The following PLXDC2 variants were observed in gnomAD, a reference collection of about 807,000 sequenced individuals.
PLXDC2 encodes plexin domain-containing protein 2.
A neutral mutation model predicts 68.9 loss-of-function variants in PLXDC2; 40 were observed. The ratio of observed to expected loss-of-function variants is 0.58; its 90% CI spans 0.45 to 0.76. The LOEUF (loss-of-function observed/expected upper bound fraction) is 0.76. Among genes scored for constraint, PLXDC2 ranks in the 30% least tolerant of loss-of-function variants. PLXDC2 has a pLI of 0.00. For missense variants in PLXDC2, 644 were observed against 661.9 expected (o/e 0.97, Z 0.30); for synonymous variants, 243 against 234.2 (o/e 1.04, Z -0.34).
intron 9 of PLXDC2, among the ~76,000 whole-genome samples, chr10:20,187,352 TTTAA>T (rs771723871): frequency 2.0e-5 from 3 of 151,798 alleles, no homozygotes; most frequent in Non-Finnish European, 4.4e-5. Context: ...TTTTATTATC[TTTAA>T]TTGACATAAC....
chr10:20,221,044 T>C (rs1835204805), intron 12 of PLXDC2, among the ~76,000 whole-genome samples: 1 of 152,080 alleles, frequency 6.6e-6, no homozygotes, highest in Non-Finnish European at 1.5e-5. Context: ...GGTTTCATCA[T>C]GTTGGCCAGG....
intron 13 of PLXDC2, among the ~76,000 whole-genome samples, chr10:20,245,846 C>A (rs1835587320): frequency 6.6e-6 from 1 of 152,140 alleles, no homozygotes. Flanking sequence ...TACTACGTAT[C>A]TGGGGGGCTG....
rs369629441 is a variant in PLXDC2, at chr10:20,235,180, G to A, written c.1313-10165G>A. Among the ~76,000 whole-genome samples, 34 of 152,214 alleles carry A rather than the reference G, an allele frequency of 2.2e-4. 1 individual carries two copies. Among genetic ancestry groups the A allele is most frequent in the East Asian group, 1.5e-3 (8 of 5,176 alleles). ...GTGAGAGGCTGATCTTGGCGTTTCC[G>A]CTTGAAAAACTATTCACTGAAATGT... On this transcript the variant is annotated intron_variant, in intron 12 of 13. Transcript: ENST00000377252.
At chr10:20,232,719 G>T (rs1448676079) in intron 12 of PLXDC2, among the ~76,000 whole-genome samples, 1 of 152,198 alleles carries the variant, frequency 6.6e-6, no homozygotes, top group Non-Finnish European at 1.5e-5. Context: ...TGCCTATGCG[G>T]TGTTGGTCGG....
intron 6 of PLXDC2, among the ~76,000 whole-genome samples, chr10:20,159,390 T>C (rs1834261153): frequency 6.6e-6 from 1 of 152,128 alleles, no homozygotes; most frequent in Non-Finnish European, 1.5e-5. Context: ...GGAGTCTCAA[T>C]AGCAGTGCAT....
intron 2 of PLXDC2, among the ~76,000 whole-genome samples, chr10:20,022,443 C>T (rs938839792): frequency 2.0e-5 from 3 of 152,100 alleles, no homozygotes; most frequent in Non-Finnish European, 4.4e-5. Context: ...ATTGGGAAGA[C>T]TTGTTAGAAA....
chr10:20,089,320 G>A (rs1269962542), intron 4 of PLXDC2, among the ~76,000 whole-genome samples: 1 of 152,006 alleles, frequency 6.6e-6, no homozygotes, highest in Non-Finnish European at 1.5e-5. Flanking sequence ...GTAACATTTG[G>A]CTTGAATCTT....
intron 4 of PLXDC2, among the ~76,000 whole-genome samples, chr10:20,119,359 A>G (rs975667358): frequency 7.2e-5 from 11 of 151,846 alleles, no homozygotes; most frequent in Non-Finnish European, 1.2e-4. Context: ...AGGTAAAGGA[A>G]AAAGGGGGTT....
intron 9 of PLXDC2, among the ~76,000 whole-genome samples, chr10:20,180,971 T>C (rs191053153): frequency 2.6e-5 from 4 of 152,174 alleles, no homozygotes; most frequent in African/African-American, 9.6e-5. Context: ...CTTACCAAGA[T>C]TGTGCATTCA....
chr10:19,894,042 A>G (rs1838012639), intron 1 of PLXDC2, among the ~76,000 whole-genome samples: 1 of 152,224 alleles, frequency 6.6e-6, no homozygotes, highest in Non-Finnish European at 1.5e-5. Flanking sequence ...AAGCACCCAG[A>G]GGAGGAAGTC....
At chr10:19,858,150 C>T (rs1271268622) in intron 1 of PLXDC2, among the ~76,000 whole-genome samples, 2 of 152,246 alleles carry the variant, frequency 1.3e-5, no homozygotes, top group East Asian at 1.9e-4. Context: ...ATAGCAAGAA[C>T]AGTTTAGAGT....
At chr10:19,909,976 A>G (rs1333135683) in intron 1 of PLXDC2, among the ~76,000 whole-genome samples, 1 of 152,150 alleles carries the variant, frequency 6.6e-6, no homozygotes, top group South Asian at 2.1e-4. Flanking sequence ...TATTTTGGGA[A>G]ATATTTAGTT....
chr10:19,820,427 C>G (rs190013282), intron 1 of PLXDC2, among the ~76,000 whole-genome samples: 3 of 149,834 alleles, frequency 2.0e-5, no homozygotes, highest in East Asian at 2.0e-4. Context: ...GTCAGGAGAT[C>G]GAGACCATCC....
At chr10:20,119,097 G>T (rs1833660142) in intron 4 of PLXDC2, among the ~76,000 whole-genome samples, 1 of 152,082 alleles carries the variant, frequency 6.6e-6, no homozygotes, top group Non-Finnish European at 1.5e-5. Flanking sequence ...GAGGGTAGAG[G>T]CATCCAGGAG....
At chr10:19,856,381 C>CAG (rs776227342) in intron 1 of PLXDC2, among the ~76,000 whole-genome samples, 1 of 61,720 alleles carries the variant, frequency 1.6e-5, no homozygotes, top group Non-Finnish European at 3.4e-5. Context: ...CACACACAGA[C>CAG]ACACACACAC....
At chr10:20,211,452 C>T (rs12243771) in intron 9 of PLXDC2, among the ~76,000 whole-genome samples, 5,878 of 152,104 alleles carry the variant, frequency 0.039, 373 homozygotes, top group African/African-American at 0.13. Context: ...TTGCCATGTG[C>T]GATCCTAACA....
At chr10:19,870,024 C>G (rs1423742464) in intron 1 of PLXDC2, among the ~76,000 whole-genome samples, 1 of 152,180 alleles carries the variant, frequency 6.6e-6, no homozygotes, top group Admixed American at 6.5e-5. Context: ...AAGGTAATTT[C>G]TGGTGAGACT....
At chr10:19,937,542 A>ATGTG (rs1447643680) in intron 1 of PLXDC2, among the ~76,000 whole-genome samples, 1 of 85,664 alleles carries the variant, frequency 1.2e-5, no homozygotes, top group Non-Finnish European at 2.2e-5. Flanking sequence ...ATTATAGTCA[A>ATGTG]TGTATATATA....
chr10:19,953,646 A>C (rs955098209), intron 1 of PLXDC2, among the ~76,000 whole-genome samples: 1 of 152,222 alleles, frequency 6.6e-6, no homozygotes, highest in Non-Finnish European at 1.5e-5. Context: ...TGGAAAGATC[A>C]GAAGTCAAAA....
Sources: gnomAD v4.1 joint callset for allele counts (sites outside exome capture counted in the v4.1 genomes callset) on GRCh38, gnomAD v4.1.1 for gene constraint, MANE v1.5 for transcripts, NCBI Gene and HGNC (gene_info 2026-07-23, HGNC 2026-07-21) for gene names.